ZNF704: variants seen among roughly 807,000 people sequenced by gnomAD.
ZNF704 encodes zinc finger protein 704, also known as glucocorticoid induced gene 1.
A neutral mutation model predicts 44.7 loss-of-function variants in ZNF704; 10 were observed. That is an observed-to-expected ratio of 0.22 (90% CI 0.14 to 0.38). The LOEUF is 0.38. Ranked by LOEUF, ZNF704 falls within the 10% of genes least tolerant of loss-of-function variation. The probability of loss-of-function intolerance (pLI) is 1.00; values close to 1 mark genes in which losing one functional copy is unlikely to be tolerated. For synonymous variants in ZNF704, 211 were observed against 207.6 expected, an observed-to-expected ratio of 1.02 and a Z score of -0.14; for missense variants, 390 against 545.5, an observed-to-expected ratio of 0.71 and a Z score of 2.84.
intron 2 of ZNF704, among the ~76,000 whole-genome samples, chr8:80,770,893 G>C (rs1291741763): frequency 6.6e-6 from 1 of 151,978 alleles, no homozygotes; most frequent in African/African-American, 2.4e-5. Context: ...CTTAGATCAG[G>C]GTTTTATTTC....
At chr8:80,763,891 C>T (rs1807175104) in intron 2 of ZNF704, among the ~76,000 whole-genome samples, 1 of 152,138 alleles carries the variant, frequency 6.6e-6, no homozygotes, top group Admixed American at 6.5e-5. Context: ...AGGACAGGGG[C>T]AAAATGCTGC....
At chr8:80,736,705 G>A (rs1246141159) in intron 2 of ZNF704, among the ~76,000 whole-genome samples, 4 of 152,164 alleles carry the variant, frequency 2.6e-5, no homozygotes, top group Non-Finnish European at 5.9e-5. Flanking sequence ...GAAATAGTGG[G>A]AGGAGGGTAA....
chr8:80,848,624 C>T (rs970385422), intron 1 of ZNF704, among the ~76,000 whole-genome samples: 2 of 151,878 alleles, frequency 1.3e-5, no homozygotes, highest in Non-Finnish European at 2.9e-5. Context: ...GTGGGTGGAT[C>T]CCTTCAGCCC....
chr8:80,723,828 T>C (rs989580701), intron 2 of ZNF704, among the ~76,000 whole-genome samples: 1 of 152,236 alleles, frequency 6.6e-6, no homozygotes, highest in Non-Finnish European at 1.5e-5. Context: ...CAGCTGTTAA[T>C]TTTGGGCAAC....
rs12542500 is a variant in ZNF704 at position 80,711,585 on chromosome 8, T to C, written c.222-18478A>G. On this transcript the variant is annotated intron_variant, in intron 2 of 8. Transcript: ENST00000327835. The stretch of plus-strand genomic sequence containing the variant: ...GGGAGTACCTGTGGAGTTCAAAATA[T>C]ATAACCTGTCTTTAAAGGTCCTGTG... 2.8e-3 allele frequency among the ~76,000 whole-genome samples: 430 copies of C among 152,324 alleles called. 7 individuals carry two copies. The highest frequency in any genetic ancestry group is 0.025 in the Admixed American group (379 of 15,298).
chr8:80,850,278 A>AT (rs566943334), intron 1 of ZNF704, among the ~76,000 whole-genome samples: 16 of 151,838 alleles, frequency 1.1e-4, no homozygotes, highest in East Asian at 9.7e-4. Context: ...GTAACTGTTC[A>AT]TTTTTTTTCA....
At chr8:80,807,848 A>AACC (rs61557399) in intron 2 of ZNF704, among the ~76,000 whole-genome samples, 108,766 of 151,820 alleles carry the variant, frequency 0.72, 40,407 homozygotes, top group African/African-American at 0.93. Context: ...ATATTTTTAA[A>AACC]ACAAAATGGG....
intron 2 of ZNF704, among the ~76,000 whole-genome samples, chr8:80,787,384 C>G (rs1807632654): frequency 6.6e-6 from 1 of 152,168 alleles, no homozygotes; most frequent in South Asian, 2.1e-4. Context: ...CACCAGCAAT[C>G]CAGGAGTTCT....
At chr8:80,724,492 T>C (rs917915114) in intron 2 of ZNF704, among the ~76,000 whole-genome samples, 1 of 152,218 alleles carries the variant, frequency 6.6e-6, no homozygotes, top group Non-Finnish European at 1.5e-5. Context: ...ATTTTAATTG[T>C]ATACACTATT....
chr8:80,754,926 TG>T (rs991877086), intron 2 of ZNF704, among the ~76,000 whole-genome samples: 9 of 152,344 alleles, frequency 5.9e-5, no homozygotes, highest in African/African-American at 2.2e-4. Context: ...TACTGAGATT[TG>T]GGGCTGCTTG....
intron 2 of ZNF704, among the ~76,000 whole-genome samples, chr8:80,773,778 A>G (rs879830471): frequency 3.3e-5 from 5 of 152,178 alleles, no homozygotes; most frequent in Admixed American, 2.6e-4. Context: ...GTTTCTCAGC[A>G]GAGACATTTC....
At chr8:80,743,180 T>C (rs1310186247) in intron 2 of ZNF704, among the ~76,000 whole-genome samples, 1 of 112,834 alleles carries the variant, frequency 8.9e-6, no homozygotes, top group Non-Finnish European at 1.6e-5. Flanking sequence ...CTCTATTACA[T>C]CTTGCAACTG....
chr8:80,681,036 C>G (rs1818444979), intron 4 of ZNF704, among the ~76,000 whole-genome samples: 1 of 152,010 alleles, frequency 6.6e-6, no homozygotes, highest in African/African-American at 2.4e-5. Context: ...CTCACTGTTT[C>G]TTGTATCAGT....
intron 4 of ZNF704, 74 bp from the exon 5 acceptor site, chr8:80,670,677 A>AT: frequency 3.6e-6 from 4 of 1,104,350 alleles, no homozygotes; most frequent in East Asian, 2.4e-5. Context: ...ATCCCAACAT[A>AT]TTTTTTTCCT....
intron 1 of ZNF704, among the ~76,000 whole-genome samples, chr8:80,862,656 T>C (rs1269648254): frequency 6.8e-6 from 1 of 147,474 alleles, no homozygotes; most frequent in South Asian, 2.1e-4. Flanking sequence ...TCCCAGCTAC[T>C]TGGGAGGCTG....
chr8:80,772,690 A>G (rs1347507797), intron 2 of ZNF704, among the ~76,000 whole-genome samples: 1 of 152,188 alleles, frequency 6.6e-6, no homozygotes, highest in Admixed American at 6.5e-5. Context: ...GGGTGGGGAC[A>G]CAGAGCCAAA....
rs184152908 is a variant in ZNF704, at chr8:80,680,434, C to T, written c.558+6792G>A. Among the ~76,000 whole-genome samples, 6 of 151,206 alleles carry T rather than the reference C, an allele frequency of 4.0e-5. No homozygotes were observed. The East Asian group carries it at 5.9e-4, about 15-fold the overall frequency. ...GGCAGGGCAGGGACAGGGGCTTACA[C>T]ATCCAAGCCTCTCCAGAGAGGACCA... On this transcript the variant is annotated intron_variant, in intron 4 of 8. Transcript: ENST00000327835.
intron 2 of ZNF704, among the ~76,000 whole-genome samples, chr8:80,697,225 AG>A (rs1424327595): frequency 1.3e-5 from 2 of 152,152 alleles, no homozygotes; most frequent in East Asian, 3.9e-4. Flanking sequence ...TGTGTGTGCC[AG>A]GATGAGTGGT....
the ZNF704 span, among the ~76,000 whole-genome samples, chr8:80,883,013 T>C: frequency 6.9e-6 from 1 of 144,724 alleles, no homozygotes; most frequent in East Asian, 2.0e-4. Context: ...CGAGGCATGT[T>C]GATCACCTGA....
Sources: allele counts gnomAD v4.1 joint callset (sites outside exome capture counted in the v4.1 genomes callset), GRCh38; gene constraint gnomAD v4.1.1; transcripts MANE v1.5; gene names NCBI Gene and HGNC (gene_info 2026-07-23, HGNC 2026-07-21).